Variants in PRRC1 observed in about 807,000 individuals in gnomAD.
PRRC1 encodes the protein proline rich coiled-coil 1.
Under a neutral mutation model 40.7 loss-of-function variants are expected in PRRC1, and 39 were observed. That is an observed-to-expected ratio of 0.96 (90% CI 0.74 to 1.25). The LOEUF (loss-of-function observed/expected upper bound fraction) is 1.25. PRRC1 is among the 50% of genes most tolerant of loss of function. The pLI, the probability that PRRC1 is intolerant of heterozygous loss-of-function variation, is 0.00. For synonymous variants in PRRC1, 175 were observed against 193.3 expected, an observed-to-expected ratio of 0.91 and a Z score of 0.79; for missense variants, 573 against 548.3, an observed-to-expected ratio of 1.05 and a Z score of -0.45.
intron 8 of PRRC1, 48 bp from the exon 9 acceptor site, chr5:127,551,659 G>T (rs762492443): frequency 6.4e-7 from 1 of 1,558,238 alleles, no homozygotes; most frequent in East Asian, 2.3e-5. Flanking sequence ...TAGTTCCAAT[G>T]ATATTTTTAA....
At chr5:127,518,994 AC>A in intron 1 of PRRC1, among the ~76,000 whole-genome samples, 1 of 152,284 alleles carries the variant, frequency 6.6e-6, no homozygotes, top group South Asian at 2.1e-4. Context: ...TATTGCCATT[AC>A]GGCAGTTTTC....
At chr5:127,544,599 G>A (rs937228618) in intron 7 of PRRC1, among the ~76,000 whole-genome samples, 2 of 152,210 alleles carry the variant, frequency 1.3e-5, no homozygotes, top group South Asian at 2.1e-4. Context: ...CGCCCCTCCC[G>A]CAGCCTCGCT....
intron 6 of PRRC1, among the ~76,000 whole-genome samples, chr5:127,535,234 A>G (rs565454720): frequency 2.6e-5 from 4 of 152,320 alleles, no homozygotes; most frequent in African/African-American, 9.6e-5. Context: ...CTCACAGTCA[A>G]CAGTACTGTA....
At position 127,553,392 on chromosome 5, in the gene PRRC1, C is replaced by T. The variant is rs1441211373; in HGVS notation, c.*1476C>T. The T allele has an allele frequency of 2.9e-6, 3 of 1,023,812 alleles. No homozygotes were observed. The highest frequency in any genetic ancestry group is 1.7e-5 in the African/African-American group (1 of 57,480). 63.4% of individuals were successfully genotyped at this position (1,023,812 alleles called of 1,614,324 possible). A position where few individuals can be genotyped will look rare whatever the true frequency, so the allele number is the denominator to read the frequency against. On this transcript the variant is annotated 3_prime_UTR_variant, in exon 9 of 9. Transcript: ENST00000296666. ...TGACTGTTCAGTGAATATCAGACTT[C>T]CGTGTCATTAAAAGTCATGAGAGAC...
In PRRC1 at chr5:127,552,223, T is replaced by A. The variant is rs951245962; in HGVS notation, c.*307T>A. 9 of 1,112,414 alleles carry A rather than the reference T, an allele frequency of 8.1e-6. No individual in the cohort carries two copies. In the South Asian group the frequency reaches 2.3e-4, roughly 29 times the overall value. 68.9% of individuals were successfully genotyped at this position (1,112,414 alleles called of 1,614,324 possible). A position where few individuals can be genotyped will look rare whatever the true frequency, so the allele number is the denominator to read the frequency against. Reference sequence around the variant, plus strand: ...GTGGAAATTCATGTGCAGAGACATTTAACTTAATGCCATGTACTTGATTAT... The same window carrying A: ...GTGGAAATTCATGTGCAGAGACATTAAACTTAATGCCATGTACTTGATTAT... On this transcript the variant is annotated 3_prime_UTR_variant, in exon 9 of 9. Transcript: ENST00000296666.
At chr5:127,537,946 A>G (rs1028790685) in intron 6 of PRRC1, among the ~76,000 whole-genome samples, 18 of 151,986 alleles carry the variant, frequency 1.2e-4, no homozygotes, top group Admixed American at 1.1e-3. Flanking sequence ...TATTCTTAAC[A>G]TTGACCACAT....
At chr5:127,549,249 A>AG (rs1768308214) in intron 8 of PRRC1, 1 of 152,124 alleles carries the variant, frequency 6.6e-6, no homozygotes, top group Admixed American at 6.5e-5. Flanking sequence ...TCAAAAATAG[A>AG]GGTAGAGAGT....
chr5:127,536,761 A>C (rs1254673476), intron 6 of PRRC1, among the ~76,000 whole-genome samples: 1 of 152,042 alleles, frequency 6.6e-6, no homozygotes, highest in African/African-American at 2.4e-5. Context: ...TTATCCTTCA[A>C]ATTTACAAAT....
chr5:127,522,353 G>T (rs1323653338), intron 1 of PRRC1, among the ~76,000 whole-genome samples: 3 of 152,120 alleles, frequency 2.0e-5, no homozygotes, highest in Non-Finnish European at 4.4e-5. Flanking sequence ...ATGTGAACTA[G>T]GAAAATTGTG....
At chr5:127,542,878 AAAGTT>A (rs1296127067) in intron 7 of PRRC1, among the ~76,000 whole-genome samples, 3 of 152,134 alleles carry the variant, frequency 2.0e-5, no homozygotes, top group Non-Finnish European at 4.4e-5. Flanking sequence ...ACTTACATTT[AAAGTT>A]AATATTGTTA....
At chr5:127,532,754 G>A (rs1218795608) in intron 5 of PRRC1, among the ~76,000 whole-genome samples, 1 of 152,110 alleles carries the variant, frequency 6.6e-6, no homozygotes, top group African/African-American at 2.4e-5. Context: ...TGTTCCACAT[G>A]ATATTTATTA....
chr5:127,547,254 A>T (rs1768252266), intron 7 of PRRC1, among the ~76,000 whole-genome samples: 2 of 152,132 alleles, frequency 1.3e-5, no homozygotes, highest in African/African-American at 4.8e-5. Flanking sequence ...TTAAATGAAG[A>T]GAAGTTTCCT....
At chr5:127,530,746 C>CT (rs34749591) in intron 5 of PRRC1, among the ~76,000 whole-genome samples, 46,667 of 142,142 alleles carry the variant, frequency 0.33, 7,536 homozygotes, top group East Asian at 0.55. Context: ...TTGTTTCATA[C>CT]TTTTTTTTTT....
intron 8 of PRRC1, 191 bp from the exon 9 acceptor site, chr5:127,551,516 A>T (rs889027504): frequency 1.0e-5 from 6 of 593,700 alleles, no homozygotes; most frequent in Admixed American, 3.1e-5. Context: ...TAAAAAATAG[A>T]TGTGTGTAAT....
Position 127,552,394 on chromosome 5 carries a change from GCTCAACAGTCACTATAAGACACCTA to G in PRRC1, c.*481_*505del. ...TCTCAGGGCTGGTGCTGAGCAGCCT[GCTCAACAGTCACTATAAGACACCTA>G]CTTGTCGGGAGATGTTCCACATTTC... On this transcript the variant is annotated 3_prime_UTR_variant, in exon 9 of 9. Transcript: ENST00000296666. 9.1e-5 allele frequency: 91 copies of G among 996,296 alleles called. No individual in the cohort carries two copies. The highest frequency in any genetic ancestry group is 1.1e-4 in the Non-Finnish European group (91 of 835,592). 61.7% of individuals were successfully genotyped at this position (996,296 alleles called of 1,614,324 possible). A position where few individuals can be genotyped will look rare whatever the true frequency, so the allele number is the denominator to read the frequency against.
Position 127,551,929 on chromosome 5 carries a change from C to G in PRRC1, c.*13C>G. The G allele has an allele frequency of 6.2e-7, 1 of 1,613,548 alleles. No homozygotes were observed. The highest frequency in any genetic ancestry group is 8.5e-7 in the Non-Finnish European group (1 of 1,179,650). ...CAGGACAGTGTGAGAGGAGACCTAC[C>G]TGGGAGACTGAGACTTTCCCCCACT... On this transcript the variant is annotated 3_prime_UTR_variant, in exon 9 of 9. Coordinates refer to ENST00000296666, the MANE Select transcript of PRRC1 (RefSeq NM_130809.5).
Position 127,530,300 on chromosome 5 carries a change from G to T in PRRC1, c.661G>T (p.Ala221Ser). Residue 221 changes from alanine (A) to serine (S), a missense_variant, in exon 5 of 9, where the codon GCT becomes TCT. Coordinates refer to ENST00000296666, the MANE Select transcript of PRRC1 (RefSeq NM_130809.5). ...GGIWGFIKGV[A>S]GNPMVKSVLD... The stretch of plus-strand genomic sequence containing the variant: ...ATTGATTTGTTTTATGCAGGGTGTG[G>T]CTGGGAATCCTATGGTGAAGTCTGT... The T allele has an allele frequency of 6.2e-7, 1 of 1,613,406 alleles. No homozygotes were observed. Among genetic ancestry groups the T allele is most frequent in the Non-Finnish European group, 8.5e-7 (1 of 1,179,542 alleles).
chr5:127,544,316 C>A (rs964932806), intron 7 of PRRC1, among the ~76,000 whole-genome samples: 1 of 152,206 alleles, frequency 6.6e-6, no homozygotes, highest in East Asian at 1.9e-4. Context: ...TTAGGCTGCT[C>A]GGGGGTCAGG....
At chr5:127,527,942 T>G (rs182843) in intron 4 of PRRC1, among the ~76,000 whole-genome samples, 45,698 of 151,922 alleles carry the variant, frequency 0.3, 7,224 homozygotes, top group East Asian at 0.55. Flanking sequence ...ATTTTTCACT[T>G]GCCAGCAGTA....
Sources: allele counts gnomAD v4.1 joint callset (sites outside exome capture counted in the v4.1 genomes callset), GRCh38; gene constraint gnomAD v4.1.1; transcripts MANE v1.5; gene names NCBI Gene and HGNC (gene_info 2026-07-23, HGNC 2026-07-21).